Variants in CSNK2A2IP observed in about 807,000 individuals in gnomAD.
CSNK2A2IP encodes casein kinase 2 subunit alpha' interacting protein, also known as casein kinase II subunit alpha'-interacting protein.
chr3:88,362,987 C>T, the CSNK2A2IP span, among the ~76,000 whole-genome samples: 3 of 152,132 alleles, frequency 2.0e-5, no homozygotes, highest in African/African-American at 7.2e-5. Context: ...TCTAAATGCT[C>T]CCTCTGTGGG....
the CSNK2A2IP span, among the ~76,000 whole-genome samples, chr3:88,383,717 G>A: frequency 7.9e-6 from 1 of 126,190 alleles, no homozygotes; most frequent in South Asian, 2.6e-4. Context: ...AGTGTAGAGC[G>A]CAGTGGCGCG....
chr3:88,446,034 C>CTTTCTTTCTT, the CSNK2A2IP span, among the ~76,000 whole-genome samples: 1 of 22,090 alleles, frequency 4.5e-5, no homozygotes, highest in Admixed American at 6.0e-4. Context: ...TGTTTCTTTT[C>CTTTCTTTCTT]TTTCTTTCTT....
the CSNK2A2IP span, among the ~76,000 whole-genome samples, chr3:88,388,137 T>C: frequency 6.6e-6 from 1 of 152,252 alleles, no homozygotes; most frequent in Admixed American, 6.5e-5. Flanking sequence ...ACTTCCTCTG[T>C]TGTCATTTCT....
At chr3:88,359,289 A>G in the CSNK2A2IP span, among the ~76,000 whole-genome samples, 1 of 151,528 alleles carries the variant, frequency 6.6e-6, no homozygotes, top group Non-Finnish European at 1.5e-5. Flanking sequence ...TAGTCTGGCT[A>G]AAGGTTGTTG....
At chr3:88,408,131 T>G in the CSNK2A2IP span, among the ~76,000 whole-genome samples, 1 of 152,214 alleles carries the variant, frequency 6.6e-6, no homozygotes. Flanking sequence ...ATTCACTTAT[T>G]AAGGGCAAAT....
the CSNK2A2IP span, among the ~76,000 whole-genome samples, chr3:88,434,721 C>T: frequency 1.3e-5 from 2 of 152,068 alleles, no homozygotes; most frequent in Non-Finnish European, 2.9e-5. Flanking sequence ...AAGGTAGAGT[C>T]AGGACAGTCA....
At chr3:88,362,839 G>C in the CSNK2A2IP span, among the ~76,000 whole-genome samples, 1 of 152,194 alleles carries the variant, frequency 6.6e-6, no homozygotes, top group African/African-American at 2.4e-5. Context: ...AAAGTTGCAA[G>C]ACAAAGTCCT....
chr3:88,467,363 G>A, the CSNK2A2IP span: 30 of 396,920 alleles, frequency 7.6e-5, no homozygotes, highest in African/African-American at 4.3e-4. Context: ...CCTGTATTCC[G>A]TAAGGTACTT....
chr3:88,443,878 G>A, the CSNK2A2IP span, among the ~76,000 whole-genome samples: 1 of 113,510 alleles, frequency 8.8e-6, no homozygotes, highest in Non-Finnish European at 1.9e-5. Flanking sequence ...AAAGCATTTG[G>A]AAATTAGAGT....
the CSNK2A2IP span, among the ~76,000 whole-genome samples, chr3:88,450,421 C>T: frequency 6.6e-6 from 1 of 152,144 alleles, no homozygotes; most frequent in South Asian, 2.1e-4. Context: ...ATCCAACATA[C>T]TTATCTCTTC....
At chr3:88,343,709 A>T in the CSNK2A2IP span, among the ~76,000 whole-genome samples, 1 of 151,964 alleles carries the variant, frequency 6.6e-6, no homozygotes, top group African/African-American at 2.4e-5. Flanking sequence ...ATCACTAAAC[A>T]AAAGTCATTG....
chr3:88,422,574 C>CT, the CSNK2A2IP span, among the ~76,000 whole-genome samples: 3 of 152,166 alleles, frequency 2.0e-5, no homozygotes, highest in Non-Finnish European at 4.4e-5. Context: ...ATATAGTTTA[C>CT]TACAAAAATG....
chr3:88,461,291 C>A, the CSNK2A2IP span, among the ~76,000 whole-genome samples: 1 of 151,982 alleles, frequency 6.6e-6, no homozygotes, highest in Non-Finnish European at 1.5e-5. Flanking sequence ...CAGTGGCTCA[C>A]GCCTGTAATC....
chr3:88,383,651 CTTTTTTTTTTTTT>C, the CSNK2A2IP span, among the ~76,000 whole-genome samples: 1,074 of 88,578 alleles, frequency 0.012, 16 homozygotes, highest in Middle Eastern at 0.049. Context: ...TCTTTTCTTT[CTTTTTTTTTTTTT>C]TTTTTTTTTT....
the CSNK2A2IP span, among the ~76,000 whole-genome samples, chr3:88,345,269 G>A: frequency 2.0e-5 from 3 of 151,950 alleles, no homozygotes; most frequent in Admixed American, 2.0e-4. Flanking sequence ...TTGTGTACGT[G>A]GCTTGCCACT....
chr3:88,378,026 A>G, the CSNK2A2IP span, among the ~76,000 whole-genome samples: 2 of 152,064 alleles, frequency 1.3e-5, no homozygotes, highest in African/African-American at 4.8e-5. Context: ...AAACTAAAAA[A>G]TGTTACCAGT....
the CSNK2A2IP span, among the ~76,000 whole-genome samples, chr3:88,399,985 T>C: frequency 3.3e-5 from 5 of 152,168 alleles, no homozygotes; most frequent in South Asian, 1.0e-3. Context: ...CATTATCATA[T>C]AATGAATATC....
chr3:88,347,422 G>A, the CSNK2A2IP span, among the ~76,000 whole-genome samples: 1 of 151,972 alleles, frequency 6.6e-6, no homozygotes, highest in African/African-American at 2.4e-5. Context: ...CTTATTTAAG[G>A]AATTGCCAGT....
chr3:88,408,589 G>A, the CSNK2A2IP span, among the ~76,000 whole-genome samples: 2 of 151,946 alleles, frequency 1.3e-5, no homozygotes, highest in Non-Finnish European at 2.9e-5. Context: ...AGAAAGTAAA[G>A]CATTCCATTT....
Sources: gnomAD v4.1 joint callset for allele counts (sites outside exome capture counted in the v4.1 genomes callset) on GRCh38, gnomAD v4.1.1 for gene constraint, MANE v1.5 for transcripts, NCBI Gene and HGNC (gene_info 2026-07-23, HGNC 2026-07-21) for gene names.